ASIC2: variants seen among roughly 807,000 people sequenced by gnomAD.
ASIC2 encodes the protein acid-sensing ion channel 2.
Under a neutral mutation model 57.3 loss-of-function variants are expected in ASIC2, and 25 were observed. That is an observed-to-expected ratio of 0.44 (90% CI 0.32 to 0.61). The LOEUF (loss-of-function observed/expected upper bound fraction) is 0.61, where lower values mean the gene tolerates loss of function less well. Among genes scored for constraint, ASIC2 ranks in the 20% least tolerant of loss-of-function variants. The pLI is 0.06. For missense variants in ASIC2, 641 were observed against 738.1 expected (o/e 0.87, Z 1.52); for synonymous variants, 319 against 307.5 (o/e 1.04, Z -0.39).
intron 1 of ASIC2, among the ~76,000 whole-genome samples, chr17:33,335,243 A>G (rs1907468317): frequency 6.6e-6 from 1 of 152,238 alleles, no homozygotes; most frequent in South Asian, 2.1e-4. Flanking sequence ...ACTGAAAGCT[A>G]CAAACAAACC....
intron 1 of ASIC2, among the ~76,000 whole-genome samples, chr17:33,298,805 T>C (rs113090423): frequency 0.022 from 3,350 of 152,272 alleles, 121 homozygotes; most frequent in African/African-American, 0.077. Flanking sequence ...TGGTGTGAGA[T>C]GGTATCCAAA....
At chr17:33,850,355 G>A (rs976464372) in intron 1 of ASIC2, among the ~76,000 whole-genome samples, 6 of 152,250 alleles carry the variant, frequency 3.9e-5, no homozygotes, top group South Asian at 2.1e-4. Context: ...GTATCTCGTC[G>A]CCACATATCC....
chr17:33,087,243 G>T (rs1025384541), intron 3 of ASIC2, among the ~76,000 whole-genome samples: 1 of 152,130 alleles, frequency 6.6e-6, no homozygotes, highest in Non-Finnish European at 1.5e-5. Context: ...CTTTGCCCCT[G>T]CCATCCTCAT....
At chr17:33,177,779 A>T (rs570435451) in intron 1 of ASIC2, among the ~76,000 whole-genome samples, 1 of 152,272 alleles carries the variant, frequency 6.6e-6, no homozygotes, top group East Asian at 1.9e-4. Flanking sequence ...GCCTAGAATC[A>T]TTCTCTTACT....
At chr17:33,597,768 C>T (rs964770189) in intron 1 of ASIC2, among the ~76,000 whole-genome samples, 5 of 152,190 alleles carry the variant, frequency 3.3e-5, no homozygotes, top group Admixed American at 2.6e-4. Context: ...GATGATCCCA[C>T]AGGGCCACAC....
At chr17:33,525,445 A>G (rs866754898) in intron 1 of ASIC2, among the ~76,000 whole-genome samples, 21 of 152,280 alleles carry the variant, frequency 1.4e-4, no homozygotes, top group Middle Eastern at 3.4e-3. Flanking sequence ...TCTGTGATGA[A>G]GGACCCTATC....
intron 1 of ASIC2, among the ~76,000 whole-genome samples, chr17:34,144,965 CCT>C (rs1320216445): frequency 6.6e-6 from 1 of 152,174 alleles, no homozygotes; most frequent in Non-Finnish European, 1.5e-5. Context: ...AGTCCATAAA[CCT>C]CTCAGTCTCT....
chr17:34,154,740 A>G (rs769517475), intron 1 of ASIC2, among the ~76,000 whole-genome samples: 5 of 152,114 alleles, frequency 3.3e-5, no homozygotes, highest in Admixed American at 6.5e-5. Flanking sequence ...CCCCTTCCCA[A>G]CTGCTATACC....
At chr17:34,088,664 C>T (rs1454010236) in intron 1 of ASIC2, among the ~76,000 whole-genome samples, 1 of 152,246 alleles carries the variant, frequency 6.6e-6, no homozygotes, top group Non-Finnish European at 1.5e-5. Context: ...GGCAGGCAGG[C>T]CTCCTTGAGC....
intron 1 of ASIC2, among the ~76,000 whole-genome samples, chr17:33,412,347 T>A (rs1227064034): frequency 1.3e-5 from 2 of 152,198 alleles, no homozygotes; most frequent in Non-Finnish European, 2.9e-5. Flanking sequence ...TCTGCCTTCA[T>A]GTGGTTCATG....
At chr17:33,106,217 G>A (rs915123411) in intron 2 of ASIC2, among the ~76,000 whole-genome samples, 1 of 152,108 alleles carries the variant, frequency 6.6e-6, no homozygotes, top group African/African-American at 2.4e-5. Context: ...GGTGAGGGGA[G>A]GGCAATAGGA....
intron 1 of ASIC2, among the ~76,000 whole-genome samples, chr17:33,715,878 G>C (rs1411433633): frequency 1.3e-5 from 2 of 152,170 alleles, no homozygotes; most frequent in Non-Finnish European, 2.9e-5. Flanking sequence ...TGTAGATACA[G>C]AGAGAAAGTG....
chr17:33,569,390 ACTGT>A (rs1156964333), intron 1 of ASIC2: 5 of 152,226 alleles, frequency 3.3e-5, no homozygotes, highest in East Asian at 1.9e-4. Flanking sequence ...AGAGCTGGAG[ACTGT>A]CTGTGATCAA....
intron 1 of ASIC2, among the ~76,000 whole-genome samples, chr17:33,383,551 A>G (rs1909564447): frequency 6.6e-6 from 1 of 152,138 alleles, no homozygotes; most frequent in Non-Finnish European, 1.5e-5. Context: ...TGATCTTTTG[A>G]CTCATACTTT....
chr17:33,962,930 T>C (rs1904969846), intron 1 of ASIC2, among the ~76,000 whole-genome samples: 1 of 152,148 alleles, frequency 6.6e-6, no homozygotes, highest in Non-Finnish European at 1.5e-5. Context: ...GCATCCCCCT[T>C]CCTTCCTAAG....
At chr17:33,601,035 T>C (rs1905105227) in intron 1 of ASIC2, among the ~76,000 whole-genome samples, 1 of 152,178 alleles carries the variant, frequency 6.6e-6, no homozygotes, top group South Asian at 2.1e-4. Flanking sequence ...TTCAAGGTGC[T>C]GTATGGCTTC....
At chr17:33,803,566 G>T (rs1912190118) in intron 1 of ASIC2, among the ~76,000 whole-genome samples, 1 of 147,758 alleles carries the variant, frequency 6.8e-6, no homozygotes, top group Non-Finnish European at 1.5e-5. Flanking sequence ...CCCTGGTTAA[G>T]ACCAACACAT....
chr17:33,931,869 C>A (rs1271006721), intron 1 of ASIC2, among the ~76,000 whole-genome samples: 1 of 152,172 alleles, frequency 6.6e-6, no homozygotes, highest in African/African-American at 2.4e-5. Flanking sequence ...GCTGTTCGGC[C>A]GTTCTCAACA....
chr17:33,644,666 A>G (rs1203151167), intron 1 of ASIC2, among the ~76,000 whole-genome samples: 1 of 152,230 alleles, frequency 6.6e-6, no homozygotes, highest in African/African-American at 2.4e-5. Context: ...TGGATAAGGT[A>G]TGTTTAGTAT....
Sources: allele counts gnomAD v4.1 joint callset (sites outside exome capture counted in the v4.1 genomes callset), GRCh38; gene constraint gnomAD v4.1.1; transcripts MANE v1.5; gene names NCBI Gene and HGNC (gene_info 2026-07-23, HGNC 2026-07-21).